The following EIF4G1 variants were observed in gnomAD, a reference collection of about 807,000 sequenced individuals.
The protein encoded by EIF4G1 is eukaryotic translation initiation factor 4 gamma 1.
In EIF4G1, 4 loss-of-function variants were observed where a neutral mutation model predicts 187.8. The observed-to-expected ratio is 0.02, with a 90% confidence interval of 0.01 to 0.05. The LOEUF (loss-of-function observed/expected upper bound fraction) is 0.05, where lower values mean the gene tolerates loss of function less well. Among genes scored for constraint, EIF4G1 ranks in the 10% least tolerant of loss-of-function variants. The pLI is 1.00. For missense variants in EIF4G1, 1,647 were observed against 2,081.1 expected (o/e 0.79, Z 4.06); for synonymous variants, 844 against 781.4 (o/e 1.08, Z -1.34).
At chr3:184,333,387 A>T (rs779674533) in intron 32 of EIF4G1, among the ~76,000 whole-genome samples, 3 of 152,146 alleles carry the variant, frequency 2.0e-5, no homozygotes, top group Non-Finnish European at 4.4e-5. Flanking sequence ...GGCACAGGGT[A>T]ACTCATGTGC....
At position 184,316,172 on chromosome 3, in the gene EIF4G1, G is replaced by T. The variant is rs972183948; in HGVS notation, c.101G>T (p.Ser34Ile). 2.5e-6 allele frequency: 4 copies of T among 1,614,144 alleles called. No individual in the cohort carries two copies. The highest frequency in any genetic ancestry group is 3.4e-6 in the Non-Finnish European group (4 of 1,180,028). Residue 34 changes from serine to isoleucine, a missense_variant, in exon 4 of 33, where the codon AGT (serine) becomes ATT (isoleucine). Physicochemically the swap from Ser to Ile is moderately radical, Grantham distance 142. Coordinates refer to ENST00000346169, the MANE Select transcript of EIF4G1 (RefSeq NM_198241.3). ...GGGCAGACAGCGCCGGTGGTGTTCA[G>T]TACGCCACAAGCGACACAAATGAAC... is the stretch of plus-strand genomic sequence containing the variant. ...PPGQTAPVVF[S>I]TPQATQMNTP...
At chr3:184,332,627 A>C (rs1456834864) in intron 32 of EIF4G1, among the ~76,000 whole-genome samples, 1 of 151,904 alleles carries the variant, frequency 6.6e-6, no homozygotes, top group African/African-American at 2.4e-5. Flanking sequence ...GCCTGGGAAG[A>C]CGGGTGCTCT....
chr3:184,316,688 C>T (rs1251856391), intron 4 of EIF4G1: 1 of 1,592,460 alleles, frequency 6.3e-7, no homozygotes, highest in Admixed American at 1.7e-5. Flanking sequence ...TAATTCTCTT[C>T]TTTCCTATCC....
In EIF4G1 at chr3:184,316,215, C is replaced by G; in HGVS notation, c.144C>G (p.Arg48=). The change falls in exon 4 of 33, where the codon CGC becomes CGG. Residue 48 remains arginine (R), a synonymous_variant. Transcript: ENST00000346169. ...ATQMNTPSQP[R]QHFYPSRAQP... is the part of the protein sequence containing the mutation. ...AAATGAACACGCCTTCTCAGCCCCG[C>G]CAGGTGAGGGGCTGTGGGGAGGGGA... 1.9e-6 allele frequency: 3 copies of G among 1,614,054 alleles called. No individual in the cohort carries two copies. Among genetic ancestry groups the G allele is most frequent in the Non-Finnish European group, 2.5e-6 (3 of 1,180,000 alleles).
intron 32 of EIF4G1, among the ~76,000 whole-genome samples, chr3:184,332,788 TAAAG>T (rs1057336063): frequency 7.2e-5 from 11 of 151,880 alleles, no homozygotes; most frequent in Admixed American, 5.9e-4. Flanking sequence ...AAAGAACTAT[TAAAG>T]AAAGGCCAGT....
Position 184,321,936 on chromosome 3 carries a change from C to T in EIF4G1, c.1352C>T (p.Pro451Leu). 2 of 1,614,172 alleles carry T rather than the reference C, an allele frequency of 1.2e-6. No individual in the cohort carries two copies. Among genetic ancestry groups the T allele is most frequent in the South Asian group, 1.1e-5 (1 of 91,084 alleles). The change falls in exon 10 of 33, where the codon CCA (proline) becomes CTA (leucine). Residue 451 changes from proline to leucine, a missense_variant. By Grantham distance (98) the Pro-to-Leu change is moderately conservative. Transcript: ENST00000346169. ...TPATAPSATS[P>L]AQEEEMEEEE... The stretch of plus-strand genomic sequence containing the variant: ...GCTACGGCTCCTTCAGCTACTTCCC[C>T]AGCTCAGGAGGAGGAAATGGAAGAA...
rs1243059468 is a variant in EIF4G1 at position 184,321,630 on chromosome 3, C to T, written c.1046C>T (p.Thr349Ile). ...TCTTCCAGTCCTCTCCAGGCTCCCACCCCTTTGGCATCTCACACAGTGGAA... is the reference window on the plus strand; with the variant it reads ...TCTTCCAGTCCTCTCCAGGCTCCCATCCCTTTGGCATCTCACACAGTGGAA... ...EFSSSPLQAP[T>I]PLASHTVEIH... Residue 349 changes from threonine to isoleucine, a missense_variant, in exon 10 of 33, where the codon ACC becomes ATC. Thr to Ile is a moderately conservative substitution (Grantham distance 89). Coordinates refer to ENST00000346169, the MANE Select transcript of EIF4G1 (RefSeq NM_198241.3). 1 of 1,612,432 alleles carries T rather than the reference C, an allele frequency of 6.2e-7. No homozygotes were observed. Among genetic ancestry groups the T allele is most frequent in the East Asian group, 2.2e-5 (1 of 44,866 alleles).
At chr3:184,317,519 C>T (rs1577184862) in intron 5 of EIF4G1, 22 bp downstream of exon 5, 3 of 1,613,770 alleles carry the variant, frequency 1.9e-6, no homozygotes, top group African/African-American at 1.3e-5. Context: ...GGCTTGGAGC[C>T]TAGAAGCCAC....
chr3:184,324,156 C>T lies in EIF4G1; in HGVS notation c.2473-45C>T, dbSNP rs201602619. On this transcript the variant is annotated intron_variant, in intron 16 of 32. Transcript: ENST00000346169. ...GTTAAAGGCTCTTGGAGGGCCTTCC[C>T]TGCCCAGGACTAGTCTTGAGTGTGA... is the stretch of plus-strand genomic sequence containing the variant. The T allele has an allele frequency of 5.8e-5, 94 of 1,614,016 alleles. No individual in the cohort carries two copies. The African/African-American group carries it at 1.1e-3, about 18-fold the overall frequency.
chr3:184,321,068 A>G lies in EIF4G1; in HGVS notation c.697+75A>G, dbSNP rs1231083426. The G allele has an allele frequency of 1.9e-6, 3 of 1,562,694 alleles. No individual in the cohort carries two copies. The African/African-American group carries it at 4.1e-5, about 21-fold the overall frequency. ...AGTTAAATGCTGAGGTGGTGGAGTG[A>G]CTTGAACTGGGTACCAGAGAATGAT... On this transcript the variant is annotated intron_variant, in intron 9 of 32. Coordinates refer to ENST00000346169, the MANE Select transcript of EIF4G1 (RefSeq NM_198241.3).
chr3:184,315,822 G>GCCCGCCC lies in EIF4G1; in HGVS notation c.29_30insGCCCCCC (p.Ala13ProfsTer44). ...ATGAACAAAGCTCCACAGTCCACAG[G>GCCCGCCC]CCCCCCACCCGCCCCATCCCCCGGA... On this transcript the variant is annotated frameshift_variant, in exon 3 of 33. Coordinates refer to ENST00000346169, the MANE Select transcript of EIF4G1 (RefSeq NM_198241.3). LOFTEE classifies it high-confidence loss of function. 1 of 1,544,492 alleles carries GCCCGCCC rather than the reference G, an allele frequency of 6.5e-7. No individual in the cohort carries two copies. Among genetic ancestry groups the GCCCGCCC allele is most frequent in the Non-Finnish European group, 8.8e-7 (1 of 1,140,802 alleles).
chr3:184,328,820 C>T (rs1725475787), intron 27 of EIF4G1, 64 bp downstream of exon 27: 3 of 1,614,022 alleles, frequency 1.9e-6, no homozygotes, highest in South Asian at 1.1e-5. Flanking sequence ...AGGGAAATGG[C>T]TGGGTTGGAT....
In EIF4G1 at chr3:184,315,822, GC is replaced by G; in HGVS notation, c.32del (p.Pro11HisfsTer31). 6.5e-7 allele frequency: 1 copy of G among 1,544,494 alleles called. No individual in the cohort carries two copies. The highest frequency in any genetic ancestry group is 8.8e-7 in the Non-Finnish European group (1 of 1,140,800). On this transcript the variant is annotated frameshift_variant, in exon 3 of 33. Coordinates refer to ENST00000346169, the MANE Select transcript of EIF4G1 (RefSeq NM_198241.3). LOFTEE classifies it high-confidence loss of function. MNKAPQST[G>X]PPPAPSPGLP... The stretch of plus-strand genomic sequence containing the variant: ...ATGAACAAAGCTCCACAGTCCACAG[GC>G]CCCCCACCCGCCCCATCCCCCGGAC...
At chr3:184,324,422 A>G (rs946060735) in intron 17 of EIF4G1, 75 bp downstream of exon 17, 2 of 1,606,242 alleles carry the variant, frequency 1.2e-6, no homozygotes, top group Non-Finnish European at 1.7e-6. Flanking sequence ...CAGCTGTAGA[A>G]TTTGGAATGG....
chr3:184,321,858 C>T lies in EIF4G1; in HGVS notation c.1274C>T (p.Ala425Val), dbSNP rs1723943173. The change falls in exon 10 of 33, where the codon GCC (alanine) becomes GTC (valine). Residue 425 changes from alanine (A) to valine (V), a missense_variant. Physicochemically the swap from Ala to Val is moderately conservative, Grantham distance 64. Around this residue, in one of 11 missense-constraint regions of EIF4G1, gnomAD observed 522 missense variants for 485.2 expected, o/e 1.08. Transcript: ENST00000346169. The stretch of plus-strand genomic sequence containing the variant: ...CCAGTCAGTGAGCCAGAGGAGCAGG[C>T]CAAGGAGGTGACAGCATCAATGGCG... ...LSPVSEPEEQ[A>V]KEVTASMAPP... The T allele has an allele frequency of 8.7e-6, 14 of 1,614,074 alleles. No homozygotes were observed. The highest frequency in any genetic ancestry group is 1.2e-5 in the Non-Finnish European group (14 of 1,179,966).
Position 184,327,983 on chromosome 3 carries a change from A to G in EIF4G1, c.3934A>G (p.Thr1312Ala), listed in dbSNP as rs144570332. The part of the protein sequence containing the change: ...HQLLCAGHLS[T>A]AQYYQGLYEI... ...GCTGCTCTGTGCTGGGCATCTGTCT[A>G]CTGCTCAGTACTACCAAGGGTATGA... Residue 1312 changes from threonine (T) to alanine (A), a missense_variant, in exon 26 of 33, where the codon ACT (threonine) becomes GCT (alanine). Coordinates refer to ENST00000346169, the MANE Select transcript of EIF4G1 (RefSeq NM_198241.3). 8.9e-5 allele frequency: 143 copies of G among 1,606,724 alleles called. No individual in the cohort carries two copies. The highest frequency in any genetic ancestry group is 7.9e-4 in the African/African-American group (59 of 75,028).
chr3:184,317,597 T>C, intron 5 of EIF4G1, 100 bp downstream of exon 5: 1 of 1,546,712 alleles, frequency 6.5e-7, no homozygotes, highest in East Asian at 2.3e-5. Context: ...GAGGTGGGAC[T>C]TCCTTCTGGT....
In EIF4G1 at chr3:184,322,687, T is replaced by A; in HGVS notation, c.1752T>A (p.Ala584=). The A allele has an allele frequency of 6.2e-7, 1 of 1,614,192 alleles. No individual in the cohort carries two copies. The highest frequency in any genetic ancestry group is 8.5e-7 in the Non-Finnish European group (1 of 1,180,048). Residue 584 remains alanine, a synonymous_variant, in exon 12 of 33, where the codon GCT becomes GCA. Transcript: ENST00000346169. ...CAAAGGAAGACAAAATTCACAATGC[T>A]GAGAACATCCAGCCCGGGGAACAGA... is the stretch of plus-strand genomic sequence containing the variant. ...WDSKEDKIHN[A]ENIQPGEQKY...
chr3:184,319,736 G>C lies in EIF4G1; in HGVS notation c.472G>C (p.Val158Leu). The C allele has an allele frequency of 1.9e-6, 3 of 1,607,522 alleles. No individual in the cohort carries two copies. Among genetic ancestry groups the C allele is most frequent in the Non-Finnish European group, 2.5e-6 (3 of 1,177,304 alleles). ...AGGGGTGCAGCAGTTTCCCACTGGC[G>C]TGGCCCCCACCCCAGTTTTGATGAA... ...AQGVQQFPTG[V>L]APTPVLMNQP... Residue 158 changes from valine (V) to leucine (L), a missense_variant, in exon 7 of 33, where the codon GTG becomes CTG. This residue lies in a region of EIF4G1 where 139 missense variants were observed against 187.3 expected (regional missense o/e 0.74). Coordinates refer to ENST00000346169, the MANE Select transcript of EIF4G1 (RefSeq NM_198241.3).
Sources: allele counts gnomAD v4.1 joint callset (sites outside exome capture counted in the v4.1 genomes callset), GRCh38; gene constraint gnomAD v4.1.1; regional missense constraint gnomAD v4.1.1; transcripts MANE v1.5; gene names NCBI Gene and HGNC (gene_info 2026-07-23, HGNC 2026-07-21).